ERBB4: variants seen among roughly 807,000 people sequenced by gnomAD.
ERBB4 encodes the protein erb-b2 receptor tyrosine kinase 4.
ERBB4 carries 42 observed loss-of-function variants against 158.0 expected under a neutral mutation model. The observed-to-expected ratio is 0.27, with a 90% CI of 0.21 to 0.34. The LOEUF (loss-of-function observed/expected upper bound fraction) is 0.34. Ranked by LOEUF, ERBB4 falls within the 10% of genes least tolerant of loss-of-function variation. The pLI, the probability that ERBB4 is intolerant of heterozygous loss-of-function variation, is 1.00. For missense variants in ERBB4, 1,333 were observed against 1,624.1 expected (o/e 0.82, Z 3.08); for synonymous variants, 583 against 558.7 (o/e 1.04, Z -0.61).
chr2:212,482,902 G>A (rs186032673), intron 1 of ERBB4, among the ~76,000 whole-genome samples: 2 of 152,332 alleles, frequency 1.3e-5, no homozygotes, highest in East Asian at 3.9e-4. Flanking sequence ...GACTACAGGC[G>A]TGAACCACTG....
intron 4 of ERBB4, among the ~76,000 whole-genome samples, chr2:211,768,155 A>T (rs1008260493): frequency 6.6e-6 from 1 of 152,170 alleles, no homozygotes; most frequent in Non-Finnish European, 1.5e-5. Flanking sequence ...TCAACCATTA[A>T]AACTCTGTAA....
chr2:211,796,546 C>T (rs2076386982), intron 3 of ERBB4, among the ~76,000 whole-genome samples: 1 of 151,714 alleles, frequency 6.6e-6, no homozygotes. Flanking sequence ...ATTTATATGC[C>T]CATTAGTAGT....
intron 1 of ERBB4, among the ~76,000 whole-genome samples, chr2:212,369,333 T>A (rs1297683410): frequency 6.6e-6 from 1 of 152,156 alleles, no homozygotes; most frequent in Non-Finnish European, 1.5e-5. Context: ...TCCTCTTCAT[T>A]TACTTATGTT....
At chr2:212,261,903 TA>T (rs1266860444) in intron 1 of ERBB4, among the ~76,000 whole-genome samples, 3 of 152,230 alleles carry the variant, frequency 2.0e-5, no homozygotes, top group Non-Finnish European at 4.4e-5. Flanking sequence ...GAAACCTCTT[TA>T]TAAAAAATAT....
At chr2:212,497,667 C>A (rs950497268) in intron 1 of ERBB4, among the ~76,000 whole-genome samples, 47 of 152,128 alleles carry the variant, frequency 3.1e-4, no homozygotes, top group African/African-American at 1.0e-3. Context: ...TATTACTCTT[C>A]CCTTCACAGC....
intron 1 of ERBB4, among the ~76,000 whole-genome samples, chr2:212,534,471 G>A (rs773941619): frequency 6.6e-6 from 1 of 152,156 alleles, no homozygotes; most frequent in Non-Finnish European, 1.5e-5. Flanking sequence ...ATCTTGGATC[G>A]ATGCCTTTTT....
At chr2:212,018,309 C>T (rs2076572853) in intron 2 of ERBB4, among the ~76,000 whole-genome samples, 1 of 152,162 alleles carries the variant, frequency 6.6e-6, no homozygotes, top group Non-Finnish European at 1.5e-5. Context: ...ACAAGGGTCT[C>T]AGCAGCTATC....
chr2:212,469,533 T>C (rs1689010240), intron 1 of ERBB4, among the ~76,000 whole-genome samples: 1 of 152,180 alleles, frequency 6.6e-6, no homozygotes, highest in African/African-American at 2.4e-5. Flanking sequence ...TAGTGGCTGT[T>C]CTAAAAAGAT....
At chr2:211,477,377 T>C (rs1463068542) in intron 20 of ERBB4, among the ~76,000 whole-genome samples, 4 of 152,140 alleles carry the variant, frequency 2.6e-5, no homozygotes, top group African/African-American at 4.8e-5. Context: ...TTTATTTCTC[T>C]GTGTTGGTTT....
intron 1 of ERBB4, among the ~76,000 whole-genome samples, chr2:212,521,369 C>T (rs1692152626): frequency 1.3e-5 from 2 of 151,710 alleles, no homozygotes; most frequent in African/African-American, 4.8e-5. Context: ...AATTCTTCCT[C>T]AAATAGTCTA....
At chr2:211,546,302 A>G (rs11892586) in intron 20 of ERBB4, among the ~76,000 whole-genome samples, 10,903 of 152,194 alleles carry the variant, frequency 0.072, 1,335 homozygotes, top group African/African-American at 0.25. Context: ...GTGTGTAAAA[A>G]TAATACATAT....
At chr2:211,743,375 G>T (rs1415813308) in intron 5 of ERBB4, among the ~76,000 whole-genome samples, 3 of 152,028 alleles carry the variant, frequency 2.0e-5, no homozygotes, top group Non-Finnish European at 2.9e-5. Flanking sequence ...ATAACACCAG[G>T]TCTAGCAGGA....
intron 3 of ERBB4, among the ~76,000 whole-genome samples, chr2:211,934,724 G>C (rs932165968): frequency 6.6e-6 from 1 of 151,730 alleles, no homozygotes; most frequent in Admixed American, 6.6e-5. Flanking sequence ...TGAAGTCCGT[G>C]CCCAATTAGG....
chr2:211,445,502 A>C (rs193211714), intron 20 of ERBB4, among the ~76,000 whole-genome samples: 1 of 152,284 alleles, frequency 6.6e-6, no homozygotes. Flanking sequence ...CCAGATTTAT[A>C]GGAGAAGAAC....
rs563310415 is a variant in ERBB4 at position 212,478,864 on chromosome 2, A to G, written c.82+59585T>C. Reference sequence around the variant, plus strand: ...ACTCTGCATCTCTCCCCAAATCTCCAAAGATGAGTTTGTGGGCAGGAATGA... The same window carrying G: ...ACTCTGCATCTCTCCCCAAATCTCCGAAGATGAGTTTGTGGGCAGGAATGA... On this transcript the variant is annotated intron_variant, in intron 1 of 27. Coordinates refer to ENST00000342788, the MANE Select transcript of ERBB4 (RefSeq NM_005235.3). 1.5e-4 allele frequency among the ~76,000 whole-genome samples: 23 copies of G among 152,214 alleles called. 1 individual carries two copies. The East Asian group carries it at 4.2e-3, about 28-fold the overall frequency.
At chr2:212,384,414 G>A (rs1292687101) in intron 1 of ERBB4, among the ~76,000 whole-genome samples, 3 of 147,126 alleles carry the variant, frequency 2.0e-5, no homozygotes, top group Non-Finnish European at 4.4e-5. Context: ...TTGTGACGGA[G>A]AGAGTATATA....
chr2:212,057,857 C>T, intron 2 of ERBB4, among the ~76,000 whole-genome samples: 1 of 152,052 alleles, frequency 6.6e-6, no homozygotes, highest in Admixed American at 6.5e-5. Flanking sequence ...ACCCTAACAT[C>T]ACAATTAAAA....
At chr2:211,799,278 G>A (rs1220503815) in intron 3 of ERBB4, among the ~76,000 whole-genome samples, 1 of 152,110 alleles carries the variant, frequency 6.6e-6, no homozygotes, top group Non-Finnish European at 1.5e-5. Flanking sequence ...TGTCACATCT[G>A]AGGTCATAAG....
intron 10 of ERBB4, 122 bp from the exon 11 acceptor site, chr2:211,704,316 T>A: frequency 1.4e-6 from 1 of 710,050 alleles, no homozygotes. Context: ...GTAGTGAACA[T>A]TTCTATTTTT....
Sources: gnomAD v4.1 joint callset for allele counts (sites outside exome capture counted in the v4.1 genomes callset) on GRCh38, gnomAD v4.1.1 for gene constraint, MANE v1.5 for transcripts, NCBI Gene and HGNC (gene_info 2026-07-23, HGNC 2026-07-21) for gene names.